KDM4C: variants seen among roughly 807,000 people sequenced by gnomAD.
The protein encoded by KDM4C is lysine demethylase 4C, also known as lysine-specific demethylase 4C.
KDM4C carries 81 observed loss-of-function variants against 129.3 expected under a neutral mutation model. That is an observed-to-expected ratio of 0.63 (90% CI 0.52 to 0.75). The LOEUF is 0.75. Ranked by LOEUF, KDM4C falls within the 30% of genes least tolerant of loss-of-function variation. The pLI is 0.00. For synonymous variants in KDM4C, 573 were observed against 456.1 expected, an observed-to-expected ratio of 1.26 and a Z score of -3.26; for missense variants, 1,457 against 1,304.0, an observed-to-expected ratio of 1.12 and a Z score of -1.81.
intron 5 of KDM4C, among the ~76,000 whole-genome samples, chr9:6,876,566 T>G (rs1271017615): frequency 6.6e-6 from 1 of 152,248 alleles, no homozygotes; most frequent in Non-Finnish European, 1.5e-5. Flanking sequence ...TTGTTGTCTT[T>G]TCTTTCTTTC....
chr9:7,129,429 T>A (rs1840375960), intron 19 of KDM4C, among the ~76,000 whole-genome samples: 1 of 152,220 alleles, frequency 6.6e-6, no homozygotes, highest in South Asian at 2.1e-4. Context: ...GAATTGTGTT[T>A]CTTACCAGGG....
At chr9:6,989,566 TA>T (rs1175187696) in intron 11 of KDM4C, among the ~76,000 whole-genome samples, 4 of 152,140 alleles carry the variant, frequency 2.6e-5, no homozygotes, top group African/African-American at 9.7e-5. Flanking sequence ...AATGTATCAT[TA>T]AAAAAAGAGA....
At chr9:7,032,799 T>C (rs1287898698) in intron 15 of KDM4C, among the ~76,000 whole-genome samples, 1 of 152,208 alleles carries the variant, frequency 6.6e-6, no homozygotes, top group Non-Finnish European at 1.5e-5. Flanking sequence ...TCCTGAACAA[T>C]GTATTTGACT....
At chr9:7,145,183 T>C (rs1016057063) in intron 19 of KDM4C, among the ~76,000 whole-genome samples, 3 of 152,174 alleles carry the variant, frequency 2.0e-5, no homozygotes, top group Non-Finnish European at 1.5e-5. Flanking sequence ...TAAAGGTGCG[T>C]GGCCAGAGGG....
intron 16 of KDM4C, 124 bp from the exon 17 acceptor site, chr9:7,048,968 G>T: frequency 8.4e-6 from 5 of 595,864 alleles, no homozygotes; most frequent in South Asian, 3.8e-5. Context: ...TGTTTGTGAT[G>T]GATTTAGGCT....
At chr9:7,133,795 C>T (rs867849469) in intron 19 of KDM4C, among the ~76,000 whole-genome samples, 3 of 152,136 alleles carry the variant, frequency 2.0e-5, no homozygotes, top group African/African-American at 4.8e-5. Context: ...TCTGGGTATT[C>T]CAGAGGCAAA....
At chr9:6,878,882 A>C (rs1279895866) in intron 5 of KDM4C, among the ~76,000 whole-genome samples, 1 of 152,208 alleles carries the variant, frequency 6.6e-6, no homozygotes, top group African/African-American at 2.4e-5. Flanking sequence ...AGAACTGGTA[A>C]GAAGTGGCCA....
intron 8 of KDM4C, among the ~76,000 whole-genome samples, chr9:6,953,253 T>C (rs1445056602): frequency 6.6e-6 from 1 of 152,210 alleles, no homozygotes; most frequent in Non-Finnish European, 1.5e-5. Flanking sequence ...ACTTGAAATA[T>C]AGAGTGGTCT....
chr9:7,107,885 A>T (rs1377721066), intron 18 of KDM4C, among the ~76,000 whole-genome samples: 1 of 152,184 alleles, frequency 6.6e-6, no homozygotes, highest in Non-Finnish European at 1.5e-5. Flanking sequence ...TTTTATTTCT[A>T]TCAACTAGCA....
intron 9 of KDM4C, chr9:6,981,803 A>C (rs969228677): frequency 1.6e-5 from 4 of 248,600 alleles, no homozygotes; most frequent in African/African-American, 6.8e-5. Context: ...TTTTATGTTA[A>C]ATTTTCCTCT....
intron 19 of KDM4C, among the ~76,000 whole-genome samples, chr9:7,161,548 C>G (rs970799270): frequency 6.6e-6 from 1 of 152,180 alleles, no homozygotes; most frequent in African/African-American, 2.4e-5. Context: ...CAAAGTTCTA[C>G]TCTGAAGCCC....
intron 19 of KDM4C, among the ~76,000 whole-genome samples, chr9:7,149,742 G>A (rs1293532274): frequency 6.6e-6 from 1 of 152,228 alleles, no homozygotes; most frequent in Non-Finnish European, 1.5e-5. Flanking sequence ...TATGGTCGAT[G>A]GTGGCAGCCA....
chr9:7,054,910 A>G (rs746411265), intron 17 of KDM4C, among the ~76,000 whole-genome samples: 1 of 152,232 alleles, frequency 6.6e-6, no homozygotes, highest in Non-Finnish European at 1.5e-5. Flanking sequence ...TAAATATTAA[A>G]TCACATCTTT....
At chr9:6,964,960 A>G (rs1830692283) in intron 8 of KDM4C, among the ~76,000 whole-genome samples, 1 of 152,116 alleles carries the variant, frequency 6.6e-6, no homozygotes, top group East Asian at 1.9e-4. Context: ...TCGGGAAAAA[A>G]AAAAAGCAAA....
At chr9:6,990,606 G>GA in intron 12 of KDM4C, 82 bp downstream of exon 12, 10 of 859,714 alleles carry the variant, frequency 1.2e-5, no homozygotes, top group Non-Finnish European at 1.6e-5. Context: ...TTGCTGAATA[G>GA]AAAAAAAATT....
chr9:6,765,201 C>T (rs772397900), intron 1 of KDM4C, among the ~76,000 whole-genome samples: 1 of 152,182 alleles, frequency 6.6e-6, no homozygotes, highest in Non-Finnish European at 1.5e-5. Context: ...CCAAGCTCCA[C>T]CCATGTCTTA....
chr9:6,988,815 C>T (rs972493093), intron 11 of KDM4C, among the ~76,000 whole-genome samples: 3 of 151,918 alleles, frequency 2.0e-5, no homozygotes, highest in Non-Finnish European at 4.4e-5. Flanking sequence ...TATGTATGCA[C>T]TCAAAGTTCC....
chr9:6,747,793 G>T (rs1472606942), intron 1 of KDM4C, among the ~76,000 whole-genome samples: 2 of 152,202 alleles, frequency 1.3e-5, no homozygotes, highest in Admixed American at 6.5e-5. Context: ...AGCCCGCTCT[G>T]ATCTAGAATT....
chr9:7,043,744 T>G (rs1304313671), intron 15 of KDM4C, among the ~76,000 whole-genome samples: 1 of 151,926 alleles, frequency 6.6e-6, no homozygotes, highest in Non-Finnish European at 1.5e-5. Context: ...AAATAACTTA[T>G]GAGTGTACCT....
Sources: gnomAD v4.1 joint callset for allele counts (sites outside exome capture counted in the v4.1 genomes callset) on GRCh38, gnomAD v4.1.1 for gene constraint, MANE v1.5 for transcripts, NCBI Gene and HGNC (gene_info 2026-07-23, HGNC 2026-07-21) for gene names.